PAAF1: variants seen among roughly 807,000 people sequenced by gnomAD.
PAAF1 encodes the protein proteasomal ATPase associated factor 1.
PAAF1 carries 46 observed loss-of-function variants against 52.8 expected under a neutral mutation model. That is an observed-to-expected ratio of 0.87 (90% CI 0.69 to 1.11). The LOEUF (loss-of-function observed/expected upper bound fraction) is 1.11, where lower values mean the gene tolerates loss of function less well. PAAF1 is among the 50% of genes most tolerant of loss of function. The pLI, the probability that PAAF1 is intolerant of heterozygous loss-of-function variation, is 0.00. For synonymous variants in PAAF1, 178 were observed against 172.8 expected, an observed-to-expected ratio of 1.03 and a Z score of -0.24; for missense variants, 424 against 477.4, an observed-to-expected ratio of 0.89 and a Z score of 1.04.
At chr11:73,888,344 A>T (rs1487603181) in intron 3 of PAAF1, among the ~76,000 whole-genome samples, 1 of 152,240 alleles carries the variant, frequency 6.6e-6, no homozygotes, top group Non-Finnish European at 1.5e-5. Context: ...TGAACAATGT[A>T]GCCTTATAAT....
chr11:73,907,418 C>T (rs1949792890), intron 6 of PAAF1, among the ~76,000 whole-genome samples: 1 of 152,172 alleles, frequency 6.6e-6, no homozygotes, highest in East Asian at 1.9e-4. Context: ...AGTTCAGCTT[C>T]CCCCTTGGTC....
At position 73,897,132 on chromosome 11, in the gene PAAF1, C is replaced by T. The variant is rs537928363; in HGVS notation, c.283-2014C>T. 1.8e-4 allele frequency among the ~76,000 whole-genome samples: 24 copies of T among 131,066 alleles called. No individual in the cohort carries two copies. The South Asian group carries it at 3.6e-3, about 20-fold the overall frequency. The allele number at this position is 131,066 out of a possible 152,430, so 86.0% of individuals were successfully genotyped here. A position where few individuals can be genotyped will look rare whatever the true frequency, so the allele number is the denominator to read the frequency against. ...CTCCTCACTTCCCAGTAGGGGCGGC[C>T]GGGCAGAGGCGCCCCTCACCTCCCG... On this transcript the variant is annotated intron_variant, in intron 4 of 11. Transcript: ENST00000310571.
chr11:73,902,994 G>A (rs538725285), intron 6 of PAAF1, among the ~76,000 whole-genome samples: 5 of 152,324 alleles, frequency 3.3e-5, no homozygotes, highest in South Asian at 4.1e-4. Context: ...CACTGCGCCC[G>A]GCCTAGAATG....
chr11:73,907,665 G>T (rs1383807781), intron 6 of PAAF1, among the ~76,000 whole-genome samples: 3 of 152,156 alleles, frequency 2.0e-5, no homozygotes, highest in Non-Finnish European at 2.9e-5. Context: ...ACTGGGTAGG[G>T]GAATGGGAGT....
intron 8 of PAAF1, 61 bp downstream of exon 8, chr11:73,914,565 A>C: frequency 4.1e-6 from 6 of 1,448,692 alleles, no homozygotes; most frequent in Admixed American, 1.7e-5. Context: ...TGTGTCTTAG[A>C]AAGCTATTTT....
chr11:73,894,595 A>G (rs1032518266), intron 4 of PAAF1, among the ~76,000 whole-genome samples: 1 of 152,164 alleles, frequency 6.6e-6, no homozygotes, highest in East Asian at 1.9e-4. Flanking sequence ...ACTAACCTGC[A>G]CATTGTGCAC....
chr11:73,908,371 A>ATG (rs1565143853), intron 6 of PAAF1, among the ~76,000 whole-genome samples: 2 of 141,970 alleles, frequency 1.4e-5, no homozygotes, highest in South Asian at 2.2e-4. Context: ...GTATATATAT[A>ATG]TGTATATATA....
At chr11:73,888,494 T>G (rs1381024904) in intron 3 of PAAF1, among the ~76,000 whole-genome samples, 3 of 152,254 alleles carry the variant, frequency 2.0e-5, no homozygotes, top group African/African-American at 7.2e-5. Flanking sequence ...TTCTGACTGC[T>G]GCAGTTAGTA....
intron 9 of PAAF1, among the ~76,000 whole-genome samples, chr11:73,917,244 T>C (rs1234445788): frequency 6.6e-6 from 1 of 152,016 alleles, no homozygotes; most frequent in Non-Finnish European, 1.5e-5. Context: ...TGATCTCGAA[T>C]TCCTGACCTC....
chr11:73,909,574 C>G lies in PAAF1; in HGVS notation c.708C>G (p.Gly236=). The change falls in exon 7 of 12, where the codon GGC becomes GGG. Residue 236 remains glycine (G), a synonymous_variant. Transcript: ENST00000310571. The part of the protein sequence containing the change: ...VGAADNSINL[G]SPEQMPSERE... ...CTGCTGACAACTCCATAAACCTTGG[C>G]TCCCCTGAGCAGATGCCCAGTAAGT... 1.9e-6 allele frequency: 3 copies of G among 1,614,134 alleles called. No individual in the cohort carries two copies. The highest frequency in any genetic ancestry group is 2.5e-6 in the Non-Finnish European group (3 of 1,180,010).
intron 6 of PAAF1, among the ~76,000 whole-genome samples, chr11:73,901,942 C>T (rs1467480515): frequency 6.7e-6 from 1 of 148,896 alleles, no homozygotes; most frequent in Non-Finnish European, 1.5e-5. Flanking sequence ...CGGCTCACTG[C>T]AACCTCCCCA....
In PAAF1 at chr11:73,889,093, A is replaced by G. The variant is rs558648323; in HGVS notation, c.192+1636A>G. 7.8e-4 allele frequency: 737 copies of G among 940,850 alleles called. 1 individual carries two copies. Among genetic ancestry groups the G allele is most frequent in the Non-Finnish European group, 6.5e-4 (397 of 611,766 alleles). 58.3% of individuals were successfully genotyped at this position (940,850 alleles called of 1,614,324 possible). ...CAGTTCTGTTGATTCCAAGTTTAGC[A>G]CTACCATGCAAGCCTACGTTTTTCC... On this transcript the variant is annotated intron_variant, in intron 3 of 11. Transcript: ENST00000310571.
intron 4 of PAAF1, among the ~76,000 whole-genome samples, chr11:73,893,792 C>G (rs370121823): frequency 6.7e-5 from 10 of 150,242 alleles, no homozygotes; most frequent in African/African-American, 2.4e-4. Context: ...GGCGCGGTGG[C>G]TCATGCTTAT....
intron 5 of PAAF1, among the ~76,000 whole-genome samples, 159 bp from the exon 6 acceptor site, chr11:73,900,111 C>T (rs1282945178): frequency 2.0e-5 from 3 of 151,710 alleles, no homozygotes; most frequent in African/African-American, 7.3e-5. Flanking sequence ...GCCTGCTAGA[C>T]AAATGAGCTA....
At chr11:73,889,341 C>A in intron 3 of PAAF1, 1 of 725,004 alleles carries the variant, frequency 1.4e-6, no homozygotes, top group Non-Finnish European at 2.0e-6. Flanking sequence ...AACAGTAGAT[C>A]TGTCATTATG....
intron 6 of PAAF1, among the ~76,000 whole-genome samples, chr11:73,906,106 G>A (rs1949745313): frequency 6.6e-6 from 1 of 152,156 alleles, no homozygotes; most frequent in African/African-American, 2.4e-5. Flanking sequence ...CAAGATGGCA[G>A]CAAACCATAT....
upstream of PAAF1, chr11:73,876,705 A>G: frequency 3.8e-6 from 1 of 266,298 alleles, no homozygotes; most frequent in Non-Finnish European, 7.0e-6. Flanking sequence ...CGCTGATCGC[A>G]GCCCCGTTGT....
In PAAF1 at chr11:73,914,522, G is replaced by T; in HGVS notation, c.819+18G>T. ...GGCAGCTGGCAAGTGGTTCCTATAT[G>T]ACCTTTGAACTCTGAGGCAACCTGG... is the stretch of plus-strand genomic sequence containing the variant. On this transcript the variant is annotated intron_variant, in intron 8 of 11. Transcript: ENST00000310571. 1 of 1,612,212 alleles carries T rather than the reference G, an allele frequency of 6.2e-7. No homozygotes were observed. Among genetic ancestry groups the T allele is most frequent in the South Asian group, 1.1e-5 (1 of 90,988 alleles).
chr11:73,898,250 A>AGGAGAG (rs1213173938), intron 4 of PAAF1, among the ~76,000 whole-genome samples: 5 of 123,040 alleles, frequency 4.1e-5, no homozygotes, highest in Non-Finnish European at 7.2e-5. Flanking sequence ...GAGAGGGAGA[A>AGGAGAG]GGAGAGGGAG....
Sources: allele counts gnomAD v4.1 joint callset (sites outside exome capture counted in the v4.1 genomes callset), GRCh38; gene constraint gnomAD v4.1.1; transcripts MANE v1.5; gene names NCBI Gene and HGNC (gene_info 2026-07-23, HGNC 2026-07-21).